Variants in ERRFI1 observed in about 807,000 individuals in gnomAD.
ERRFI1 encodes ERBB receptor feedback inhibitor 1.
Under a neutral mutation model 14.6 loss-of-function variants are expected in ERRFI1, and 12 were observed. The observed-to-expected ratio is 0.82, with a 90% CI of 0.53 to 1.33. The LOEUF is 1.33. Ranked by LOEUF, ERRFI1 falls within the 40% of genes most tolerant of loss-of-function variation. ERRFI1 has a pLI of 0.00. For synonymous variants in ERRFI1, 202 were observed against 209.9 expected (o/e 0.96, Z 0.32); for missense variants, 482 against 572.1 (o/e 0.84, Z 1.61).
Position 8,014,322 on chromosome 1 carries a change from G to T in ERRFI1, c.277C>A (p.Pro93Thr). ...TCACTTGGGGGAATAAGAAGAGGGG[G>T]CAAGCTGGACTTTTGAGATGGACCA... ...ENGPSQKSSLPPLLIPPSENL... is the reference protein window; with the variant it reads ...ENGPSQKSSLTPLLIPPSENL... The change falls in exon 4 of 4, where the codon CCC becomes ACC. Residue 93 changes from proline (P) to threonine (T), a missense_variant. Physicochemically the swap from Pro to Thr is conservative, Grantham distance 38. Coordinates refer to ENST00000377482, the MANE Select transcript of ERRFI1 (RefSeq NM_018948.4). 6.2e-7 allele frequency: 1 copy of T among 1,613,246 alleles called. No individual in the cohort carries two copies. The highest frequency in any genetic ancestry group is 1.3e-5 in the African/African-American group (1 of 75,002).
intron 1 of ERRFI1, among the ~76,000 whole-genome samples, chr1:8,020,747 A>G (rs441467): frequency 0.23 from 34,595 of 151,624 alleles, 4,699 homozygotes; most frequent in East Asian, 0.63. Flanking sequence ...GTTTCTCCAC[A>G]TTGGTCAGGC....
chr1:8,017,325 C>G lies in ERRFI1; in HGVS notation c.-73-1633G>C, dbSNP rs1641190536. On this transcript the variant is annotated intron_variant, in intron 1 of 3. Coordinates refer to ENST00000377482, the MANE Select transcript of ERRFI1 (RefSeq NM_018948.4). ...TACCCTTCCACAGTCAGCTGTTCTA[C>G]CAGGCAGAGATTTTATGATAGGGTT... Among the ~76,000 whole-genome samples the G allele has an allele frequency of 2.0e-5, 3 of 152,118 alleles. No homozygotes were observed. In the South Asian group the frequency reaches 6.2e-4, roughly 32 times the overall value.
At chr1:8,016,443 T>C (rs1641174967) in intron 1 of ERRFI1, among the ~76,000 whole-genome samples, 1 of 152,208 alleles carries the variant, frequency 6.6e-6, no homozygotes, top group African/African-American at 2.4e-5. Context: ...TCCTCCTTTG[T>C]GAAACACCCA....
In ERRFI1 at chr1:8,013,835, C is replaced by G. The variant is rs1197695442; in HGVS notation, c.764G>C (p.Gly255Ala). 6.2e-7 allele frequency: 1 copy of G among 1,613,932 alleles called. No individual in the cohort carries two copies. The highest frequency in any genetic ancestry group is 1.3e-5 in the African/African-American group (1 of 74,870). Residue 255 changes from glycine to alanine, a missense_variant, in exon 4 of 4, where the codon GGC becomes GCC. Coordinates refer to ENST00000377482, the MANE Select transcript of ERRFI1 (RefSeq NM_018948.4). This position sits in a 1 kb window ranked among gnomAD's most constrained non-coding sequence, Gnocchi z 4.3. ...CCTTATGGCTGGCTTGTTAAAGGAG[C>G]CAGCTGGTCCCGAATGAGACCTTCT... ...RLRRSHSGPA[G>A]SFNKPAIRIS... is the part of the protein sequence containing the mutation.
At chr1:8,017,940 GAA>G (rs1299150541) in intron 1 of ERRFI1, among the ~76,000 whole-genome samples, 2 of 152,102 alleles carry the variant, frequency 1.3e-5, no homozygotes, top group African/African-American at 2.4e-5. Context: ...ATATGTTCTA[GAA>G]AAAGTTATTT....
At chr1:8,020,175 A>G (rs1021201884) in intron 1 of ERRFI1, among the ~76,000 whole-genome samples, 4 of 152,058 alleles carry the variant, frequency 2.6e-5, no homozygotes, top group Non-Finnish European at 5.9e-5. Context: ...GAAGCCATCC[A>G]TGGGAGGAGG....
chr1:8,013,201 C>T lies in ERRFI1; in HGVS notation c.*9G>A, dbSNP rs1417380291. On this transcript the variant is annotated 3_prime_UTR_variant, in exon 4 of 4. Transcript: ENST00000377482. This position sits in a 1 kb window ranked among gnomAD's most constrained non-coding sequence, Gnocchi z 4.3. ...CTATGTAACCTCTGCTGAACCATGA[C>T]CCCAAGGTCTAAGGAGAAACCACAT... is the stretch of plus-strand genomic sequence containing the variant. 1 of 1,590,476 alleles carries T rather than the reference C, an allele frequency of 6.3e-7. No homozygotes were observed. Among genetic ancestry groups the T allele is most frequent in the South Asian group, 1.1e-5 (1 of 87,180 alleles).
intron 1 of ERRFI1, among the ~76,000 whole-genome samples, chr1:8,018,645 A>C (rs778546135): frequency 1.8e-4 from 27 of 152,224 alleles, no homozygotes; most frequent in Non-Finnish European, 3.2e-4. Context: ...AACCTTCAGC[A>C]TAACTTCTCC....
At position 8,013,022 on chromosome 1, in the gene ERRFI1, A is replaced by G; in HGVS notation, c.*188T>C. ...TATAGACTTGTAAGACTTTTTTCCA[A>G]CACTAACAAAGTCAGGGTTTCTCAG... On this transcript the variant is annotated 3_prime_UTR_variant, in exon 4 of 4. Coordinates refer to ENST00000377482, the MANE Select transcript of ERRFI1 (RefSeq NM_018948.4). This position sits in a 1 kb window ranked among gnomAD's most constrained non-coding sequence, Gnocchi z 4.3. 1.7e-6 allele frequency: 1 copy of G among 578,940 alleles called. No homozygotes were observed. Among genetic ancestry groups the G allele is most frequent in the Non-Finnish European group, 3.0e-6 (1 of 338,448 alleles). 35.9% of individuals were successfully genotyped at this position (578,940 alleles called of 1,614,324 possible).
rs1641136964 is a variant in ERRFI1, at chr1:8,014,177, G to A, written c.422C>T (p.Pro141Leu). Reference sequence around the variant, plus strand: ...ACCCCGTTCACAAAGAGGGGCACAGGGGAAAAGGGAAGGGGAGTTTTTTAT... The same window carrying A: ...ACCCCGTTCACAAAGAGGGGCACAGAGGAAAAGGGAAGGGGAGTTTTTTAT... ...TPIKNSPSLFPCAPLCERGSR... is the reference protein window; with the variant it reads ...TPIKNSPSLFLCAPLCERGSR... The change falls in exon 4 of 4, where the codon CCC (proline) becomes CTC (leucine). Residue 141 changes from proline to leucine, a missense_variant. Coordinates refer to ENST00000377482, the MANE Select transcript of ERRFI1 (RefSeq NM_018948.4). 2 of 1,614,040 alleles carry A rather than the reference G, an allele frequency of 1.2e-6. No homozygotes were observed. The highest frequency in any genetic ancestry group is 1.7e-5 in the Admixed American group (1 of 60,002).
chr1:8,014,438 C>G (rs1641142757), intron 3 of ERRFI1, 42 bp from the exon 4 acceptor site: 1 of 1,514,978 alleles, frequency 6.6e-7, no homozygotes, highest in Non-Finnish European at 8.8e-7. Context: ...CAACAATCCT[C>G]TCTCCACCTG....
At position 8,014,126 on chromosome 1, in the gene ERRFI1, A is replaced by G. The variant is rs747561061; in HGVS notation, c.473T>C (p.Ile158Thr). The G allele has an allele frequency of 6.8e-6, 11 of 1,614,050 alleles. No homozygotes were observed. In the African/African-American group the frequency reaches 1.3e-4, roughly 20 times the overall value. The change falls in exon 4 of 4, where the codon ATC becomes ACC. Residue 158 changes from isoleucine (I) to threonine (T), a missense_variant. Physicochemically the swap from Ile to Thr is moderately conservative, Grantham distance 89. Transcript: ENST00000377482. Reference sequence around the variant, plus strand: ...GTCATCCAGAGAGAGGGCTTCAGAGATTGGCAACGGTGGAAGAGGCCTAGA... The same window carrying G: ...GTCATCCAGAGAGAGGGCTTCAGAGGTTGGCAACGGTGGAAGAGGCCTAGA... The part of the protein sequence containing the change: ...RGSRPLPPLP[I>T]SEALSLDDTD...
At position 8,014,188 on chromosome 1, in the gene ERRFI1, A is replaced by AG; in HGVS notation, c.410dup (p.Ser138PhefsTer10). 2 of 1,614,162 alleles carry AG rather than the reference A, an allele frequency of 1.2e-6. No individual in the cohort carries two copies. The highest frequency in any genetic ancestry group is 1.7e-6 in the Non-Finnish European group (2 of 1,180,022). ...AAAGAGGGGCACAGGGGAAAAGGGAAGGGGAGTTTTTTATGGGTGTCAGTG... is the reference window on the plus strand; with the variant it reads ...AAAGAGGGGCACAGGGGAAAAGGGAAGGGGGAGTTTTTTATGGGTGTCAGTG... On this transcript the variant is annotated frameshift_variant, in exon 4 of 4. Transcript: ENST00000377482. LOFTEE classifies it low-confidence loss of function (END_TRUNC).
At chr1:8,025,792 GGT>G (rs1641338250) in intron 1 of ERRFI1, among the ~76,000 whole-genome samples, 1 of 152,236 alleles carries the variant, frequency 6.6e-6, no homozygotes, top group Admixed American at 6.5e-5. Context: ...CTGCGGTCCC[GGT>G]GCTGCGGGGA....
intron 1 of ERRFI1, among the ~76,000 whole-genome samples, chr1:8,017,985 C>T (rs1641206310): frequency 6.6e-6 from 1 of 152,100 alleles, no homozygotes; most frequent in Admixed American, 6.5e-5. Context: ...TACTTGTTAG[C>T]TTTCTTAAGA....
chr1:8,015,266 C>G, intron 3 of ERRFI1, 42 bp downstream of exon 3: 7 of 1,568,416 alleles, frequency 4.5e-6, no homozygotes, highest in Non-Finnish European at 6.1e-6. Context: ...CCAGACTGTT[C>G]TTCTCAAATG....
chr1:8,018,371 GGC>G (rs1363472931), intron 1 of ERRFI1, among the ~76,000 whole-genome samples: 4 of 68,664 alleles, frequency 5.8e-5, no homozygotes, highest in African/African-American at 2.8e-4. Context: ...GGAAGCGGGG[GGC>G]GGGGGGGGGG....
In ERRFI1 at chr1:8,014,012, G is replaced by T; in HGVS notation, c.587C>A (p.Pro196His). The stretch of plus-strand genomic sequence containing the variant: ...ACACCCACGGAAGCTTCGCCTGCCA[G>T]GAACATCATATTTGAAATCAGAAAG... Reference protein sequence around the residue: ...STLSDFKYDVPGRRSFRGCGQ... With the variant: ...STLSDFKYDVHGRRSFRGCGQ... The change falls in exon 4 of 4, where the codon CCT becomes CAT. Residue 196 changes from proline (P) to histidine (H), a missense_variant. Coordinates refer to ENST00000377482, the MANE Select transcript of ERRFI1 (RefSeq NM_018948.4). 1 of 1,614,144 alleles carries T rather than the reference G, an allele frequency of 6.2e-7. No individual in the cohort carries two copies. The highest frequency in any genetic ancestry group is 1.3e-5 in the African/African-American group (1 of 75,020).
intron 1 of ERRFI1, among the ~76,000 whole-genome samples, chr1:8,023,542 G>A (rs1045908642): frequency 6.6e-6 from 1 of 152,094 alleles, no homozygotes; most frequent in Non-Finnish European, 1.5e-5. Flanking sequence ...GCCTCCCAAA[G>A]TGCTGAGATT....
Sources: gnomAD v4.1 joint callset for allele counts (sites outside exome capture counted in the v4.1 genomes callset) on GRCh38, gnomAD v4.1.1 for gene constraint, Gnocchi (gnomAD v3.1) non-coding constraint, MANE v1.5 for transcripts, NCBI Gene and HGNC (gene_info 2026-07-23, HGNC 2026-07-21) for gene names.